The following KIF20B variants were observed in gnomAD, a reference collection of about 807,000 sequenced individuals.
The protein encoded by KIF20B is kinesin-like protein KIF20B.
Under a neutral mutation model 232.5 loss-of-function variants are expected in KIF20B, and 188 were observed. The observed-to-expected ratio is 0.81, with a 90% CI of 0.72 to 0.91. KIF20B has a LOEUF of 0.91. Among genes scored for constraint, KIF20B ranks in the 40% least tolerant of loss-of-function variants. The pLI, the probability that KIF20B is intolerant of heterozygous loss-of-function variation, is 0.00. For synonymous variants in KIF20B, 712 were observed against 683.0 expected (o/e 1.04, Z -0.66); for missense variants, 2,154 against 2,055.9 (o/e 1.05, Z -0.92).
intron 5 of KIF20B, among the ~76,000 whole-genome samples, chr10:89,710,589 A>G (rs540415558): frequency 1.4e-5 from 2 of 144,694 alleles, no homozygotes; most frequent in South Asian, 4.7e-4. Flanking sequence ...TTACCCATTG[A>G]TAGAGATTTA....
intron 31 of KIF20B, among the ~76,000 whole-genome samples, chr10:89,771,721 C>T (rs1236141501): frequency 6.6e-6 from 1 of 151,990 alleles, no homozygotes; most frequent in Non-Finnish European, 1.5e-5. Context: ...ATAGCTCCCT[C>T]CAACCTCCAG....
chr10:89,762,639 A>G lies in KIF20B; in HGVS notation c.4793A>G (p.Asp1598Gly), dbSNP rs768494378. ...TTTTCCTTTTACATTCTGTTGTAGG[A>G]TGGATCTGTAGTCCTTGACTCTTGT... ...SFEISRNKIE[D>G]GSVVLDSCEV... Residue 1598 changes from aspartate to glycine, a missense_variant and splice_region_variant, in exon 29 of 33, where the codon GAT (aspartate) becomes GGT (glycine). Coordinates refer to ENST00000371728, the MANE Select transcript of KIF20B (RefSeq NM_001284259.2). 2 of 1,609,388 alleles carry G rather than the reference A, an allele frequency of 1.2e-6. No homozygotes were observed. The highest frequency in any genetic ancestry group is 2.2e-5 in the South Asian group (2 of 90,900).
At chr10:89,708,169 A>G (rs925869580) in intron 2 of KIF20B, among the ~76,000 whole-genome samples, 1 of 148,702 alleles carries the variant, frequency 6.7e-6, no homozygotes, top group Admixed American at 6.7e-5. Context: ...TAGTTAAGGT[A>G]TTTTCTCTTC....
intron 1 of KIF20B, among the ~76,000 whole-genome samples, chr10:89,702,206 G>C (rs986643613): frequency 6.6e-6 from 1 of 152,074 alleles, no homozygotes; most frequent in Non-Finnish European, 1.5e-5. Flanking sequence ...GCCTTTTTGC[G>C]GGGGGAGCCC....
chr10:89,741,184 A>G (rs7910001), intron 21 of KIF20B, among the ~76,000 whole-genome samples: 47,446 of 152,106 alleles, frequency 0.31, 8,380 homozygotes, highest in African/African-American at 0.47. Flanking sequence ...TAAGGAATGC[A>G]CAACCTAGGT....
chr10:89,746,953 G>GT (rs1380022039), intron 23 of KIF20B, among the ~76,000 whole-genome samples: 5 of 152,318 alleles, frequency 3.3e-5, no homozygotes, highest in South Asian at 2.1e-4. Context: ...GTAATGGCCA[G>GT]TATTTTGTGA....
chr10:89,744,390 G>A (rs1331270845), intron 22 of KIF20B, among the ~76,000 whole-genome samples: 1 of 152,154 alleles, frequency 6.6e-6, no homozygotes, highest in African/African-American at 2.4e-5. Context: ...AGTATAAAGT[G>A]TCAGGGTCAT....
In KIF20B at chr10:89,715,124, C is replaced by A; in HGVS notation, c.882C>A (p.Phe294Leu). The change falls in exon 8 of 33, where the codon TTC becomes TTA. Residue 294 changes from phenylalanine (F) to leucine (L), a missense_variant. By Grantham distance (22) the Phe-to-Leu change is conservative. Transcript: ENST00000371728. The stretch of plus-strand genomic sequence containing the variant: ...TATTTGTTCCTGTATCATCTAAATT[C>A]CAAAAGAGAAAGATGCTGCGCCTTT... The part of the protein sequence containing the change: ...YDLFVPVSSK[F>L]QKRKMLRLSQ... 6.2e-7 allele frequency: 1 copy of A among 1,608,062 alleles called. No homozygotes were observed. The highest frequency in any genetic ancestry group is 1.1e-5 in the South Asian group (1 of 89,040).
At chr10:89,735,703 A>G (rs997978745) in intron 19 of KIF20B, among the ~76,000 whole-genome samples, 3 of 151,622 alleles carry the variant, frequency 2.0e-5, no homozygotes, top group East Asian at 3.9e-4. Context: ...ACACCCATCT[A>G]ATTTTTTTGT....
chr10:89,738,907 C>A (rs1589868294), intron 20 of KIF20B, 51 bp from the exon 21 acceptor site: 1 of 1,559,812 alleles, frequency 6.4e-7, no homozygotes, highest in South Asian at 1.2e-5. Context: ...CATGTATGGT[C>A]CTAAGCAGTT....
Position 89,745,891 on chromosome 10 carries a change from AT to A in KIF20B, c.4036-5del, listed in dbSNP as rs1841898955. ...TTTGCAATTAATTTATATTCTTTCAATTTGTAGGAGCAGTTAAATAATCAGA... is the reference window on the plus strand; with the variant it reads ...TTTGCAATTAATTTATATTCTTTCAATTGTAGGAGCAGTTAAATAATCAGA... On this transcript the variant is annotated splice_region_variant and splice_polypyrimidine_tract_variant and intron_variant, in intron 22 of 32. Transcript: ENST00000371728. 1 of 1,569,362 alleles carries A rather than the reference AT, an allele frequency of 6.4e-7. No homozygotes were observed. Among genetic ancestry groups the A allele is most frequent in the Non-Finnish European group, 8.8e-7 (1 of 1,139,480 alleles).
intron 2 of KIF20B, among the ~76,000 whole-genome samples, chr10:89,706,393 C>A (rs1842722942): frequency 6.6e-6 from 1 of 152,068 alleles, no homozygotes; most frequent in Non-Finnish European, 1.5e-5. Flanking sequence ...GATGATCAGA[C>A]ATTTTAAAAT....
chr10:89,761,045 T>C (rs987782696), intron 28 of KIF20B, among the ~76,000 whole-genome samples: 2 of 152,202 alleles, frequency 1.3e-5, no homozygotes, highest in Admixed American at 1.3e-4. Flanking sequence ...TGTATTGGGC[T>C]TAGGGTTCTG....
At chr10:89,728,939 GTGTGTGTGTA>G (rs139269248) in intron 17 of KIF20B, among the ~76,000 whole-genome samples, 179 bp from the exon 18 acceptor site, 25,098 of 132,382 alleles carry the variant, frequency 0.19, 2,037 homozygotes, top group Admixed American at 0.21. Flanking sequence ...GTGTGTGTGT[GTGTGTGTGTA>G]TGTAATTTTT....
At chr10:89,740,046 A>G (rs1841762279) in intron 21 of KIF20B, among the ~76,000 whole-genome samples, 1 of 152,136 alleles carries the variant, frequency 6.6e-6, no homozygotes, top group South Asian at 2.1e-4. Context: ...TGGTACACAT[A>G]TGCAAAAGTT....
chr10:89,741,594 A>G (rs889073755), intron 21 of KIF20B, among the ~76,000 whole-genome samples: 6 of 152,232 alleles, frequency 3.9e-5, no homozygotes, highest in Non-Finnish European at 7.3e-5. Flanking sequence ...TCGGGTATAG[A>G]CACTGTTTTT....
intron 13 of KIF20B, chr10:89,723,652 A>T (rs1031891028): frequency 6.2e-6 from 1 of 160,624 alleles, no homozygotes; most frequent in African/African-American, 2.4e-5. Flanking sequence ...AATGAAGCAA[A>T]TATGGAACTC....
At chr10:89,764,835 A>G (rs1842321439) in intron 29 of KIF20B, among the ~76,000 whole-genome samples, 1 of 151,904 alleles carries the variant, frequency 6.6e-6, no homozygotes, top group African/African-American at 2.4e-5. Flanking sequence ...ATTTTCTCCC[A>G]TTTTGTAGGT....
chr10:89,754,512 A>G lies in KIF20B; in HGVS notation c.4348-6A>G, dbSNP rs1428572042. ...CGATAATAACTTATACCATTTATAT[A>G]TACAGGAGTCTGAACAGAAATATAA... On this transcript the variant is annotated splice_polypyrimidine_tract_variant and splice_region_variant and intron_variant, in intron 25 of 32. Transcript: ENST00000371728. The G allele has an allele frequency of 5.1e-6, 8 of 1,563,166 alleles. No homozygotes were observed. Among genetic ancestry groups the G allele is most frequent in the Non-Finnish European group, 5.2e-6 (6 of 1,152,508 alleles).
Sources: allele counts gnomAD v4.1 joint callset (sites outside exome capture counted in the v4.1 genomes callset), GRCh38; gene constraint gnomAD v4.1.1; transcripts MANE v1.5; gene names NCBI Gene and HGNC (gene_info 2026-07-23, HGNC 2026-07-21).